TSNARE1: variants seen among roughly 807,000 people sequenced by gnomAD.
The protein encoded by TSNARE1 is t-SNARE domain-containing protein 1.
TSNARE1 carries 49 observed loss-of-function variants against 62.0 expected under a neutral mutation model. The observed-to-expected ratio is 0.79, with a 90% CI of 0.63 to 1.00. The LOEUF is 1.00. Ranked by LOEUF, TSNARE1 falls within the 50% of genes least tolerant of loss-of-function variation. TSNARE1 has a pLI of 0.00. For synonymous variants in TSNARE1, 328 were observed against 294.4 expected, an observed-to-expected ratio of 1.11 and a Z score of -1.17; for missense variants, 755 against 700.1, an observed-to-expected ratio of 1.08 and a Z score of -0.88.
intron 4 of TSNARE1, 59 bp downstream of exon 4, chr8:142,343,907 C>A (rs554565440): frequency 3.1e-5 from 45 of 1,428,974 alleles, no homozygotes; most frequent in South Asian, 2.2e-4. Context: ...CAAGATGGGC[C>A]CCCCCCTCCT....
chr8:142,293,336 T>G (rs975070628), intron 10 of TSNARE1, among the ~76,000 whole-genome samples: 4 of 152,202 alleles, frequency 2.6e-5, no homozygotes, highest in African/African-American at 9.6e-5. Flanking sequence ...CAGGTGGAGA[T>G]CCCAGCGTGG....
intron 11 of TSNARE1, chr8:142,275,364 G>A: frequency 1.0e-6 from 1 of 985,430 alleles, no homozygotes; most frequent in Non-Finnish European, 1.2e-6. Flanking sequence ...ACAGGGAGCT[G>A]ATCAGAAAGT....
At chr8:142,356,134 G>A (rs962809412) in intron 1 of TSNARE1, among the ~76,000 whole-genome samples, 10 of 152,206 alleles carry the variant, frequency 6.6e-5, no homozygotes, top group Non-Finnish European at 1.0e-4. Context: ...CTCAGAGACA[G>A]CGGTGCCGTC....
intron 9 of TSNARE1, among the ~76,000 whole-genome samples, chr8:142,309,971 A>T (rs1827305973): frequency 2.0e-5 from 2 of 99,152 alleles, no homozygotes; most frequent in African/African-American, 5.8e-5. Context: ...ATTGTTTTCT[A>T]AAAAAAAAGT....
intron 12 of TSNARE1, among the ~76,000 whole-genome samples, chr8:142,254,539 C>T (rs1252522861): frequency 6.6e-6 from 1 of 152,234 alleles, no homozygotes; most frequent in Non-Finnish European, 1.5e-5. Context: ...TCTTGCTTCA[C>T]CTCTCATGTT....
At chr8:142,322,863 G>T (rs1829676423) in intron 6 of TSNARE1, among the ~76,000 whole-genome samples, 1 of 152,056 alleles carries the variant, frequency 6.6e-6, no homozygotes, top group Non-Finnish European at 1.5e-5. Context: ...CCGTGTCTGT[G>T]GGCTGATGAC....
chr8:142,384,827 T>C (rs967047400), intron 1 of TSNARE1, among the ~76,000 whole-genome samples: 6 of 151,880 alleles, frequency 4.0e-5, no homozygotes, highest in South Asian at 2.1e-4. Flanking sequence ...AAGAAAAAAA[T>C]AGATGGGATT....
chr8:142,280,269 C>T (rs1337243486), intron 11 of TSNARE1: 16 of 985,192 alleles, frequency 1.6e-5, no homozygotes, highest in African/African-American at 7.0e-5. Context: ...GCAGGGCTGC[C>T]GCGGCCGGCT....
At chr8:142,223,027 C>CTCATTCAG in intron 13 of TSNARE1, among the ~76,000 whole-genome samples, 1 of 48,018 alleles carries the variant, frequency 2.1e-5, no homozygotes, top group Admixed American at 2.3e-4. Flanking sequence ...CACTCAGCCA[C>CTCATTCAG]TCACTCATTC....
At chr8:142,217,597 T>A (rs575292375) in intron 13 of TSNARE1, among the ~76,000 whole-genome samples, 11 of 147,806 alleles carry the variant, frequency 7.4e-5, no homozygotes, top group African/African-American at 2.5e-4. Flanking sequence ...TTCAGCTACG[T>A]CAGCATCAAC....
At chr8:142,273,240 G>A (rs1318245598) in intron 12 of TSNARE1, 1 of 985,240 alleles carries the variant, frequency 1.0e-6, no homozygotes, top group African/African-American at 1.7e-5. Context: ...GCCGTCCCAG[G>A]CATCAGCGCT....
intron 12 of TSNARE1, among the ~76,000 whole-genome samples, chr8:142,232,090 C>G (rs554234903): frequency 2.0e-5 from 3 of 152,254 alleles, no homozygotes; most frequent in Non-Finnish European, 4.4e-5. Context: ...ACTGCCAGAC[C>G]GTGGCCTTGA....
chr8:142,277,196 G>A (rs1416608502), intron 11 of TSNARE1: 3 of 985,362 alleles, frequency 3.0e-6, no homozygotes, highest in Non-Finnish European at 2.4e-6. Context: ...AACACAGGGG[G>A]TGCTCCACGG....
chr8:142,315,196 T>G, intron 7 of TSNARE1, 104 bp from the exon 8 acceptor site: 1 of 1,158,824 alleles, frequency 8.6e-7, no homozygotes, highest in Non-Finnish European at 1.3e-6. Flanking sequence ...CTTCCCACAC[T>G]CAGAATGGGG....
intron 13 of TSNARE1, among the ~76,000 whole-genome samples, chr8:142,223,946 G>GCAA (rs137899858): frequency 6.6e-6 from 1 of 151,854 alleles, no homozygotes; most frequent in Non-Finnish European, 1.5e-5. Context: ...GCCACCCAGG[G>GCAA]GAGGGCTTTC....
At chr8:142,303,171 G>A (rs1426480221) in intron 9 of TSNARE1, among the ~76,000 whole-genome samples, 2 of 152,154 alleles carry the variant, frequency 1.3e-5, no homozygotes, top group East Asian at 3.9e-4. Context: ...CTCATCTTCT[G>A]CCCTTTCCCA....
chr8:142,219,085 C>T (rs1382438995), intron 13 of TSNARE1, among the ~76,000 whole-genome samples: 1 of 152,142 alleles, frequency 6.6e-6, no homozygotes, highest in East Asian at 1.9e-4. Flanking sequence ...ACTTCTTTTC[C>T]CTGTCAGGGC....
intron 6 of TSNARE1, among the ~76,000 whole-genome samples, chr8:142,322,980 A>G (rs1161709187): frequency 6.6e-6 from 1 of 151,624 alleles, no homozygotes; most frequent in Admixed American, 6.6e-5. Context: ...ACTATTATGA[A>G]AGGCCGGTCT....
At chr8:142,395,787 C>G (rs1269003604) in intron 1 of TSNARE1, among the ~76,000 whole-genome samples, 1 of 152,226 alleles carries the variant, frequency 6.6e-6, no homozygotes, top group Non-Finnish European at 1.5e-5. Flanking sequence ...GTCAGACTCC[C>G]AGCAAGGAAT....
Sources: gnomAD v4.1 joint callset for allele counts (sites outside exome capture counted in the v4.1 genomes callset) on GRCh38, gnomAD v4.1.1 for gene constraint, MANE v1.5 for transcripts, NCBI Gene and HGNC (gene_info 2026-07-23, HGNC 2026-07-21) for gene names.